SERGEF: variants seen among roughly 807,000 people sequenced by gnomAD.
SERGEF encodes secretion regulating guanine nucleotide exchange factor.
Under a neutral mutation model 50.0 loss-of-function variants are expected in SERGEF, and 51 were observed. That is an observed-to-expected ratio of 1.02 (90% CI 0.81 to 1.29). The LOEUF is 1.29. Ranked by LOEUF, SERGEF falls within the 50% of genes most tolerant of loss-of-function variation. The pLI, the probability that SERGEF is intolerant of heterozygous loss-of-function variation, is 0.00. For synonymous variants in SERGEF, 205 were observed against 212.4 expected, an observed-to-expected ratio of 0.97 and a Z score of 0.30; for missense variants, 521 against 557.0, an observed-to-expected ratio of 0.94 and a Z score of 0.65.
intron 9 of SERGEF, among the ~76,000 whole-genome samples, chr11:17,898,165 GC>G (rs1851681610): frequency 6.6e-6 from 1 of 152,188 alleles, no homozygotes; most frequent in Non-Finnish European, 1.5e-5. Context: ...CAGGAATCTG[GC>G]CCTGTCTTGC....
intron 9 of SERGEF, among the ~76,000 whole-genome samples, chr11:17,881,149 T>C (rs374820560): frequency 6.6e-6 from 1 of 152,192 alleles, no homozygotes; most frequent in African/African-American, 2.4e-5. Context: ...TCCAAGCTAG[T>C]GTTCTTTACT....
At chr11:17,811,563 C>T (rs1162052463) in intron 10 of SERGEF, among the ~76,000 whole-genome samples, 12 of 152,160 alleles carry the variant, frequency 7.9e-5, no homozygotes, top group Non-Finnish European at 1.6e-4. Flanking sequence ...CTAGGCTCAG[C>T]GTGGAGGAAG....
At chr11:18,005,669 G>A (rs575652398) in intron 3 of SERGEF, among the ~76,000 whole-genome samples, 4 of 152,306 alleles carry the variant, frequency 2.6e-5, no homozygotes, top group South Asian at 2.1e-4. Context: ...TGGCCAGCTA[G>A]ACAGAGCAAA....
chr11:17,931,291 A>C (rs1015152390), intron 9 of SERGEF, among the ~76,000 whole-genome samples: 1 of 152,200 alleles, frequency 6.6e-6, no homozygotes, highest in African/African-American at 2.4e-5. Flanking sequence ...AATAAAAATC[A>C]TACTACTATC....
chr11:17,844,927 A>G (rs1850578271), intron 10 of SERGEF, among the ~76,000 whole-genome samples: 1 of 134,862 alleles, frequency 7.4e-6, no homozygotes, highest in African/African-American at 2.6e-5. Context: ...ACAAACAAAC[A>G]AAAAAAACAG....
chr11:17,842,571 G>A (rs1437331184), intron 10 of SERGEF, among the ~76,000 whole-genome samples: 1 of 152,200 alleles, frequency 6.6e-6, no homozygotes, highest in East Asian at 1.9e-4. Flanking sequence ...AACTCAGAGA[G>A]GATTTGCTAA....
At chr11:17,911,335 A>G (rs1048757953) in intron 9 of SERGEF, among the ~76,000 whole-genome samples, 2 of 146,666 alleles carry the variant, frequency 1.4e-5, no homozygotes, top group African/African-American at 5.0e-5. Context: ...TATTATATAT[A>G]TATTATATAT....
chr11:17,864,053 T>C (rs1044284466), intron 10 of SERGEF, among the ~76,000 whole-genome samples: 3 of 152,230 alleles, frequency 2.0e-5, no homozygotes. Context: ...TCACCATAAC[T>C]CTAGTTATGG....
At chr11:17,833,875 T>C (rs1850357458) in intron 10 of SERGEF, among the ~76,000 whole-genome samples, 1 of 152,208 alleles carries the variant, frequency 6.6e-6, no homozygotes, top group South Asian at 2.1e-4. Context: ...ATCCAGGAAG[T>C]AACTAATTTG....
chr11:18,006,808 C>A (rs1854084370), intron 2 of SERGEF, 62 bp from the exon 3 acceptor site: 3 of 1,559,464 alleles, frequency 1.9e-6, no homozygotes, highest in Admixed American at 3.8e-5. Context: ...GCAAAATGAA[C>A]AAAAAGATTT....
chr11:17,958,297 A>G (rs2133970178), intron 9 of SERGEF, among the ~76,000 whole-genome samples: 1 of 152,280 alleles, frequency 6.6e-6, no homozygotes, highest in East Asian at 1.9e-4. Context: ...TCACTAGCTT[A>G]TTAATTTTTT....
chr11:17,844,760 C>T (rs1052852831), intron 10 of SERGEF, among the ~76,000 whole-genome samples: 1 of 152,086 alleles, frequency 6.6e-6, no homozygotes, highest in Non-Finnish European at 1.5e-5. Context: ...CTTTCATTGG[C>T]TACATGTAGA....
Position 17,956,717 on chromosome 11 carries a change from G to C in SERGEF, c.1011+2753C>G, listed in dbSNP as rs537595312. The stretch of plus-strand genomic sequence containing the variant: ...CACTCCTCCTCCTGCTTATCCCTTG[G>C]ACATTAAAGGCAACTAAGAAGAATT... On this transcript the variant is annotated intron_variant, in intron 9 of 10. Coordinates refer to ENST00000265965, the MANE Select transcript of SERGEF (RefSeq NM_012139.4). Among the ~76,000 whole-genome samples the C allele has an allele frequency of 2.6e-5, 4 of 152,038 alleles. No homozygotes were observed. In the South Asian group the frequency reaches 8.3e-4, roughly 32 times the overall value.
chr11:17,860,449 GAT>G (rs1474169781), intron 10 of SERGEF, among the ~76,000 whole-genome samples: 15 of 152,094 alleles, frequency 9.9e-5, no homozygotes, highest in African/African-American at 3.6e-4. Flanking sequence ...GAAAGCAACA[GAT>G]AAAATTTATT....
intron 3 of SERGEF, among the ~76,000 whole-genome samples, chr11:18,006,217 G>T (rs533028624): frequency 1.8e-3 from 274 of 152,312 alleles, no homozygotes; most frequent in African/African-American, 6.3e-3. Context: ...GGGGTGCAGT[G>T]GCGCAATCTC....
intron 10 of SERGEF, among the ~76,000 whole-genome samples, chr11:17,833,427 G>A (rs1027127033): frequency 6.6e-6 from 1 of 152,228 alleles, no homozygotes; most frequent in Admixed American, 6.5e-5. Flanking sequence ...GGTCCTCATA[G>A]AGCACCTCTG....
At chr11:17,847,041 C>T (rs1024049152) in intron 10 of SERGEF, among the ~76,000 whole-genome samples, 2 of 152,310 alleles carry the variant, frequency 1.3e-5, no homozygotes, top group East Asian at 1.9e-4. Flanking sequence ...ACTGGCTGTG[C>T]GAGAAGTGAG....
intron 8 of SERGEF, among the ~76,000 whole-genome samples, chr11:17,963,395 A>AT (rs56008022): frequency 7.7e-5 from 9 of 116,768 alleles, no homozygotes; most frequent in South Asian, 3.0e-4. Context: ...AAAAAAAAAA[A>AT]TTTTTTTTTT....
At position 17,807,487 on chromosome 11, in the gene SERGEF, C is replaced by T. The variant is rs909895447; in HGVS notation, c.1049-19074G>A. ...TACTGATAAGGAAGCCAGGCCCTGG[C>T]TGTCTGCACTGTGGCTCACCCAGGG... On this transcript the variant is annotated intron_variant, in intron 10 of 10. Coordinates refer to ENST00000265965, the MANE Select transcript of SERGEF (RefSeq NM_012139.4). Among the ~76,000 whole-genome samples the T allele has an allele frequency of 1.1e-4, 17 of 152,250 alleles. 1 individual carries two copies. The highest frequency in any genetic ancestry group is 1.1e-3 in the Admixed American group (17 of 15,284).
Sources: allele counts gnomAD v4.1 joint callset (sites outside exome capture counted in the v4.1 genomes callset), GRCh38; gene constraint gnomAD v4.1.1; transcripts MANE v1.5; gene names NCBI Gene and HGNC (gene_info 2026-07-23, HGNC 2026-07-21).